Variants in TMEM108 observed in about 807,000 individuals in gnomAD.
TMEM108 encodes transmembrane protein 108, also known as cancer/testis antigen 124.
Under a neutral mutation model 35.1 loss-of-function variants are expected in TMEM108, and 12 were observed. The observed-to-expected ratio is 0.34, with a 90% CI of 0.22 to 0.55. TMEM108 has a LOEUF of 0.55. Among genes scored for constraint, TMEM108 ranks in the 20% least tolerant of loss-of-function variants. The pLI, the probability that TMEM108 is intolerant of heterozygous loss-of-function variation, is 0.89. For synonymous variants in TMEM108, 287 were observed against 308.6 expected, an observed-to-expected ratio of 0.93 and a Z score of 0.73; for missense variants, 680 against 753.3, an observed-to-expected ratio of 0.90 and a Z score of 1.14.
intron 3 of TMEM108, among the ~76,000 whole-genome samples, chr3:133,360,759 T>C (rs779438180): frequency 6.6e-6 from 1 of 152,172 alleles, no homozygotes; most frequent in Non-Finnish European, 1.5e-5. Context: ...GTGTACCACC[T>C]GGTGAAAATG....
At chr3:133,393,893 T>C (rs1576548744) in intron 5 of TMEM108, among the ~76,000 whole-genome samples, 1 of 152,158 alleles carries the variant, frequency 6.6e-6, no homozygotes, top group African/African-American at 2.4e-5. Flanking sequence ...TCCAACACAA[T>C]CCAGAGGCTC....
chr3:133,218,668 T>C (rs555881000), intron 2 of TMEM108, among the ~76,000 whole-genome samples: 1 of 152,204 alleles, frequency 6.6e-6, no homozygotes, highest in East Asian at 1.9e-4. Context: ...ATTTTTGTTC[T>C]TCATTCTTTA....
intron 2 of TMEM108, among the ~76,000 whole-genome samples, chr3:133,157,629 T>C (rs934661584): frequency 2.0e-5 from 3 of 152,144 alleles, no homozygotes; most frequent in Admixed American, 1.3e-4. Context: ...ATGGAAGGAA[T>C]GGTATTCTGC....
intron 3 of TMEM108, among the ~76,000 whole-genome samples, chr3:133,293,294 A>C (rs1947098644): frequency 6.6e-6 from 1 of 151,712 alleles, no homozygotes; most frequent in African/African-American, 2.4e-5. Flanking sequence ...ACTTCTCTCC[A>C]TGAAAGCCTT....
chr3:133,329,154 T>C (rs528466961), intron 3 of TMEM108, among the ~76,000 whole-genome samples: 4 of 152,094 alleles, frequency 2.6e-5, no homozygotes, highest in African/African-American at 9.6e-5. Context: ...GTGGCAACAC[T>C]AGTACTTTGT....
intron 3 of TMEM108, among the ~76,000 whole-genome samples, chr3:133,243,632 TG>T (rs1338134759): frequency 1.3e-5 from 2 of 152,052 alleles, no homozygotes; most frequent in African/African-American, 4.8e-5. Context: ...GCCATTCTCC[TG>T]CCTCAGCCTC....
At chr3:133,244,478 T>C (rs1383798778) in intron 3 of TMEM108, among the ~76,000 whole-genome samples, 2 of 152,244 alleles carry the variant, frequency 1.3e-5, no homozygotes, top group East Asian at 3.8e-4. Flanking sequence ...GGTGAAGGGC[T>C]GATTGTTAAA....
intron 3 of TMEM108, among the ~76,000 whole-genome samples, chr3:133,289,759 T>C (rs1329657384): frequency 1.3e-5 from 2 of 152,222 alleles, no homozygotes; most frequent in African/African-American, 4.8e-5. Context: ...GCTACTAAGT[T>C]GTTAGGCTAT....
chr3:133,070,672 G>A (rs753566450), intron 2 of TMEM108, among the ~76,000 whole-genome samples: 3 of 151,914 alleles, frequency 2.0e-5, no homozygotes, highest in Non-Finnish European at 4.4e-5. Context: ...TGTCCTGGTA[G>A]GCGACCCACA....
At chr3:133,262,001 A>G (rs1946632101) in intron 3 of TMEM108, among the ~76,000 whole-genome samples, 1 of 152,242 alleles carries the variant, frequency 6.6e-6, no homozygotes, top group Non-Finnish European at 1.5e-5. Context: ...TCAGAGGGCA[A>G]GTATCATTAA....
At chr3:133,228,831 T>C (rs1946111688) in intron 2 of TMEM108, among the ~76,000 whole-genome samples, 1 of 152,224 alleles carries the variant, frequency 6.6e-6, no homozygotes, top group African/African-American at 2.4e-5. Flanking sequence ...AGAAAAGTTA[T>C]TTAAAATAAT....
intron 3 of TMEM108, among the ~76,000 whole-genome samples, chr3:133,318,157 TG>T (rs1281081879): frequency 6.6e-6 from 1 of 152,188 alleles, no homozygotes; most frequent in Non-Finnish European, 1.5e-5. Context: ...AGAAACACAT[TG>T]GATTTCAAAC....
intron 2 of TMEM108, among the ~76,000 whole-genome samples, chr3:133,129,482 A>G (rs768391870): frequency 6.6e-5 from 10 of 152,158 alleles, no homozygotes; most frequent in Non-Finnish European, 1.3e-4. Flanking sequence ...TAAAACAATA[A>G]CTACCATAAA....
chr3:133,181,237 A>G (rs183145224), intron 2 of TMEM108, among the ~76,000 whole-genome samples: 6 of 152,244 alleles, frequency 3.9e-5, no homozygotes, highest in Admixed American at 3.9e-4. Flanking sequence ...AGGCTCATCT[A>G]TGAACCATCA....
intron 4 of TMEM108, among the ~76,000 whole-genome samples, chr3:133,382,325 G>A (rs2073035004): frequency 6.6e-6 from 1 of 152,170 alleles, no homozygotes; most frequent in Non-Finnish European, 1.5e-5. Flanking sequence ...CCTAAGCTGT[G>A]CCATCTGAAG....
At chr3:133,388,908 T>G (rs1263582268) in intron 4 of TMEM108, 1 of 985,530 alleles carries the variant, frequency 1.0e-6, no homozygotes, top group Non-Finnish European at 1.2e-6. Context: ...GCTGGCCCTC[T>G]GCCAACCCCC....
intron 2 of TMEM108, among the ~76,000 whole-genome samples, chr3:133,208,298 T>C (rs1193169214): frequency 1.3e-5 from 2 of 151,986 alleles, no homozygotes; most frequent in Non-Finnish European, 2.9e-5. Context: ...GTAGACCACG[T>C]GGTAACATTA....
At chr3:133,302,741 T>G (rs1305718722) in intron 3 of TMEM108, among the ~76,000 whole-genome samples, 1 of 152,140 alleles carries the variant, frequency 6.6e-6, no homozygotes, top group African/African-American at 2.4e-5. Context: ...AATTTTCTAT[T>G]CTAATCTCAG....
chr3:133,094,240 C>CCCAACCCCCA (rs773837996), intron 2 of TMEM108, among the ~76,000 whole-genome samples: 1 of 110,850 alleles, frequency 9.0e-6, no homozygotes, highest in Non-Finnish European at 1.9e-5. Flanking sequence ...CCCACCCCCC[C>CCCAACCCCCA]CACACACACG....
Sources: gnomAD v4.1 joint callset for allele counts (sites outside exome capture counted in the v4.1 genomes callset) on GRCh38, gnomAD v4.1.1 for gene constraint, MANE v1.5 for transcripts, NCBI Gene and HGNC (gene_info 2026-07-23, HGNC 2026-07-21) for gene names.